ULK4: variants seen among roughly 807,000 people sequenced by gnomAD.
The protein encoded by ULK4 is unc-51 like kinase 4.
Under a neutral mutation model 160.6 loss-of-function variants are expected in ULK4, and 133 were observed. That is an observed-to-expected ratio of 0.83 (90% CI 0.72 to 0.96). The LOEUF is 0.96. Among genes scored for constraint, ULK4 ranks in the 40% least tolerant of loss-of-function variants. The pLI, the probability that ULK4 is intolerant of heterozygous loss-of-function variation, is 0.00. For synonymous variants in ULK4, 534 were observed against 539.8 expected (o/e 0.99, Z 0.15); for missense variants, 1,580 against 1,499.5 (o/e 1.05, Z -0.89).
At chr3:41,805,581 T>G (rs2040617280) in intron 19 of ULK4, among the ~76,000 whole-genome samples, 1 of 151,292 alleles carries the variant, frequency 6.6e-6, no homozygotes, top group African/African-American at 2.4e-5. Flanking sequence ...AGGGAATGCT[T>G]CCAGTTTTTG....
At chr3:41,375,422 C>A (rs1307191801) in intron 35 of ULK4, among the ~76,000 whole-genome samples, 1 of 150,034 alleles carries the variant, frequency 6.7e-6, no homozygotes, top group Non-Finnish European at 1.5e-5. Context: ...GTACTGGTAC[C>A]ATAACAGAGA....
chr3:41,645,504 C>G (rs2034443374), intron 30 of ULK4, among the ~76,000 whole-genome samples: 1 of 152,114 alleles, frequency 6.6e-6, no homozygotes, highest in Admixed American at 6.5e-5. Flanking sequence ...GAGTGGTTTT[C>G]AGTGAGTTTC....
At chr3:41,790,517 G>A (rs1205107374) in intron 20 of ULK4, among the ~76,000 whole-genome samples, 1 of 152,156 alleles carries the variant, frequency 6.6e-6, no homozygotes, top group African/African-American at 2.4e-5. Context: ...TGCTTGGAAA[G>A]GAAGAAAAAG....
chr3:41,250,807 G>A (rs373477152), intron 35 of ULK4: 12 of 152,266 alleles, frequency 7.9e-5, no homozygotes, highest in African/African-American at 2.4e-4. Flanking sequence ...TTTGCATCTC[G>A]GAAGAGCTGC....
chr3:41,634,015 T>C (rs1426723775), intron 30 of ULK4, among the ~76,000 whole-genome samples: 1 of 152,216 alleles, frequency 6.6e-6, no homozygotes, highest in Admixed American at 6.5e-5. Flanking sequence ...CTTACCCAGG[T>C]GGTCTGAAAG....
At chr3:41,629,423 A>T (rs1337208933) in intron 30 of ULK4, among the ~76,000 whole-genome samples, 1 of 152,170 alleles carries the variant, frequency 6.6e-6, no homozygotes, top group Non-Finnish European at 1.5e-5. Context: ...GCCAAGAGGA[A>T]GCATCCAAGG....
At chr3:41,597,259 C>G (rs1284750695) in intron 31 of ULK4, among the ~76,000 whole-genome samples, 1 of 152,186 alleles carries the variant, frequency 6.6e-6, no homozygotes, top group Non-Finnish European at 1.5e-5. Flanking sequence ...TCTCTCGAAG[C>G]TGGACCCTAC....
chr3:41,955,929 A>G (rs1297683048), intron 1 of ULK4, among the ~76,000 whole-genome samples: 1 of 152,214 alleles, frequency 6.6e-6, no homozygotes, highest in Non-Finnish European at 1.5e-5. Flanking sequence ...AAGGGAAAAC[A>G]ACATCTGCAC....
In ULK4 at chr3:41,883,907, T is replaced by A. The variant is rs746944975; in HGVS notation, c.1623A>T (p.Thr541=). 2 of 1,610,000 alleles carry A rather than the reference T, an allele frequency of 1.2e-6. No individual in the cohort carries two copies. Among genetic ancestry groups the A allele is most frequent in the East Asian group, 4.5e-5 (2 of 44,878 alleles). The change falls in exon 17 of 37, where the codon ACA becomes ACT. Residue 541 remains threonine, a synonymous_variant. Coordinates refer to ENST00000301831, the MANE Select transcript of ULK4 (RefSeq NM_017886.4). The part of the protein sequence containing the change: ...AHVIGLLASH[T]AELQENTPVV... ...CAGGTGTATTTTCCTGGAGCTCAGC[T>A]GTGTGCGAAGCCAGTAAACCAATTA...
intron 30 of ULK4, among the ~76,000 whole-genome samples, chr3:41,659,177 C>T (rs114173226): frequency 6.6e-6 from 1 of 152,116 alleles, no homozygotes; most frequent in Non-Finnish European, 1.5e-5. Flanking sequence ...ATTGGTACAA[C>T]CCACCTGGAA....
At chr3:41,718,768 T>C (rs1210001924) in intron 22 of ULK4, among the ~76,000 whole-genome samples, 2 of 152,242 alleles carry the variant, frequency 1.3e-5, no homozygotes. Flanking sequence ...TGGAGTTTTA[T>C]ACATAATATA....
In ULK4 at chr3:41,859,285, G is replaced by T. The variant is rs890642443; in HGVS notation, c.1657-23314C>A. ...GGTGGTCTGGTTTGGAGGTGATTTT[G>T]CATCTAGAAGGCATTCTCTCCTCGT... On this transcript the variant is annotated intron_variant, in intron 17 of 36. Coordinates refer to ENST00000301831, the MANE Select transcript of ULK4 (RefSeq NM_017886.4). 1.6e-5 allele frequency: 9 copies of T among 555,480 alleles called. No homozygotes were observed. In the East Asian group the frequency reaches 3.8e-4, roughly 23 times the overall value. The allele number at this position is 555,480 out of a possible 1,614,324, so 34.4% of individuals were successfully genotyped here.
At chr3:41,572,684 T>A (rs2088022296) in intron 31 of ULK4, among the ~76,000 whole-genome samples, 1 of 148,712 alleles carries the variant, frequency 6.7e-6, no homozygotes. Context: ...AAGAATGGCA[T>A]GAACCCAGGA....
intron 32 of ULK4, among the ~76,000 whole-genome samples, chr3:41,483,870 G>T (rs2084413590): frequency 6.6e-6 from 1 of 152,194 alleles, no homozygotes; most frequent in Non-Finnish European, 1.5e-5. Context: ...ACAGAAGCAA[G>T]AAGTTGAAGT....
At chr3:41,354,898 C>T (rs1040623879) in intron 35 of ULK4, among the ~76,000 whole-genome samples, 3 of 152,176 alleles carry the variant, frequency 2.0e-5, no homozygotes, top group Admixed American at 6.5e-5. Flanking sequence ...GGCTTGCTGA[C>T]CTCACCTCTA....
intron 2 of ULK4, among the ~76,000 whole-genome samples, chr3:41,941,755 C>CAAAAAAAAAAAAAAAAAAA (rs565727539): frequency 1.6e-4 from 5 of 30,752 alleles, no homozygotes; most frequent in Non-Finnish European, 2.8e-4. Flanking sequence ...GACTCTGTCT[C>CAAAAAAAAAAAAAAAAAAA]AAAAAAAAAA....
chr3:41,328,704 C>T (rs2080384081), intron 35 of ULK4, among the ~76,000 whole-genome samples: 1 of 152,030 alleles, frequency 6.6e-6, no homozygotes, highest in Admixed American at 6.5e-5. Context: ...AGAAAGTGGA[C>T]AATCCCTTAC....
At chr3:41,877,518 G>C (rs1697353398) in intron 17 of ULK4, among the ~76,000 whole-genome samples, 2 of 151,818 alleles carry the variant, frequency 1.3e-5, no homozygotes, top group Non-Finnish European at 2.9e-5. Context: ...GTAGAGATGG[G>C]GTTTTGCCAT....
intron 22 of ULK4, among the ~76,000 whole-genome samples, chr3:41,753,136 G>A (rs1000638906): frequency 6.6e-6 from 1 of 152,112 alleles, no homozygotes; most frequent in Non-Finnish European, 1.5e-5. Flanking sequence ...GATCGCTTGG[G>A]CCTGGTGTGG....
Sources: allele counts gnomAD v4.1 joint callset (sites outside exome capture counted in the v4.1 genomes callset), GRCh38; gene constraint gnomAD v4.1.1; transcripts MANE v1.5; gene names NCBI Gene and HGNC (gene_info 2026-07-23, HGNC 2026-07-21).